DNAJC3: variants seen among roughly 807,000 people sequenced by gnomAD.
DNAJC3 encodes DnaJ heat shock protein family (Hsp40) member C3.
In DNAJC3, 38 loss-of-function variants were observed where a neutral mutation model predicts 68.6. That is an observed-to-expected ratio of 0.55 (90% confidence interval 0.43 to 0.73). DNAJC3 has a LOEUF of 0.73. DNAJC3 is among the 30% of genes least tolerant of loss of function. The pLI is 0.00. For synonymous variants in DNAJC3, 203 were observed against 204.0 expected, an observed-to-expected ratio of 1.00 and a Z score of 0.04; for missense variants, 526 against 591.9, an observed-to-expected ratio of 0.89 and a Z score of 1.16.
chr13:95,711,206 A>T (rs1446877387), intron 2 of DNAJC3, among the ~76,000 whole-genome samples: 1 of 151,598 alleles, frequency 6.6e-6, no homozygotes, highest in Non-Finnish European at 1.5e-5. Context: ...TGATGAAAAA[A>T]CTCTATTCAA....
chr13:95,759,906 T>G (rs1362652051), intron 5 of DNAJC3, 134 bp from the exon 6 acceptor site: 46 of 810,430 alleles, frequency 5.7e-5, no homozygotes, highest in Non-Finnish European at 8.8e-6. Flanking sequence ...AAAATAATAT[T>G]TGCACTATAT....
intron 1 of DNAJC3, among the ~76,000 whole-genome samples, chr13:95,690,479 C>T (rs1360388352): frequency 1.3e-5 from 2 of 151,918 alleles, no homozygotes; most frequent in Admixed American, 1.3e-4. Context: ...TCATCATGGC[C>T]CGTTCTCAAT....
intron 9 of DNAJC3, 38 bp downstream of exon 9, chr13:95,763,991 T>C: frequency 6.3e-7 from 1 of 1,598,518 alleles, no homozygotes; most frequent in East Asian, 2.2e-5. Flanking sequence ...TACCGAAGTG[T>C]TGATTAGGAA....
chr13:95,757,763 T>A lies in DNAJC3; in HGVS notation c.513T>A (p.Thr171=), dbSNP rs753339200. Residue 171 remains threonine (T), a synonymous_variant, in exon 5 of 12, where the codon ACT becomes ACA. Coordinates refer to ENST00000602402, the MANE Select transcript of DNAJC3 (RefSeq NM_006260.5). ...ACGCTTTTGGAAGTGGAGATTATAC[T>A]GCTGCTATAGCCTTCCTTGATAAGA... The part of the protein sequence containing the change: ...ALNAFGSGDY[T]AAIAFLDKIL... 40 of 1,563,688 alleles carry A rather than the reference T, an allele frequency of 2.6e-5. No homozygotes were observed. In the South Asian group the frequency reaches 3.9e-4, roughly 15 times the overall value.
intron 4 of DNAJC3, among the ~76,000 whole-genome samples, chr13:95,727,075 C>T (rs1881551232): frequency 6.6e-6 from 1 of 152,130 alleles, no homozygotes; most frequent in Non-Finnish European, 1.5e-5. Flanking sequence ...GTAATCTTTC[C>T]CTAGCCCAGG....
At chr13:95,690,641 G>T (rs1405346139) in intron 1 of DNAJC3, among the ~76,000 whole-genome samples, 1 of 143,338 alleles carries the variant, frequency 7.0e-6, no homozygotes, top group African/African-American at 2.7e-5. Flanking sequence ...CCTCCCGGAC[G>T]GGGCGGCTGG....
chr13:95,681,942 A>G lies in DNAJC3; in HGVS notation c.82+4605A>G, dbSNP rs1225072122. Among the ~76,000 whole-genome samples the G allele has an allele frequency of 2.6e-5, 4 of 152,206 alleles. No homozygotes were observed. In the East Asian group the frequency reaches 7.7e-4, roughly 29 times the overall value. On this transcript the variant is annotated intron_variant, in intron 1 of 11. Transcript: ENST00000602402. ...TACCTATTCTGCTACTTTTTCTCAT[A>G]TTGAAATACATTAAATGTCTCTATT...
At chr13:95,782,894 T>G (rs999346305) in intron 9 of DNAJC3, among the ~76,000 whole-genome samples, 2 of 152,230 alleles carry the variant, frequency 1.3e-5, no homozygotes, top group Non-Finnish European at 2.9e-5. Context: ...TGCCCATGCC[T>G]GTGTCCTGAA....
At chr13:95,721,974 A>G (rs1023625629) in intron 2 of DNAJC3, among the ~76,000 whole-genome samples, 2 of 152,186 alleles carry the variant, frequency 1.3e-5, no homozygotes, top group Admixed American at 1.3e-4. Flanking sequence ...AGGGAGTTTA[A>G]TTGTATATCT....
At chr13:95,716,904 T>C (rs1275224933) in intron 2 of DNAJC3, among the ~76,000 whole-genome samples, 1 of 152,190 alleles carries the variant, frequency 6.6e-6, no homozygotes, top group Non-Finnish European at 1.5e-5. Context: ...GGAGTGCCTG[T>C]TCTCACTTAG....
Position 95,760,121 on chromosome 13 carries a change from G to A in DNAJC3, c.628G>A (p.Asp210Asn). 6.2e-7 allele frequency: 1 copy of A among 1,612,970 alleles called. No homozygotes were observed. Among genetic ancestry groups the A allele is most frequent in the Non-Finnish European group, 8.5e-7 (1 of 1,179,398 alleles). The stretch of plus-strand genomic sequence containing the variant: ...AGGAGAACCTAGGAAAGCTATAAGT[G>A]ACTTAAAAGCTGCGTCAAAGTTGAA... ...KEGEPRKAIS[D>N]LKAASKLKND... The change falls in exon 6 of 12, where the codon GAC becomes AAC. Residue 210 changes from aspartate (D) to asparagine (N), a missense_variant. By Grantham distance (23) the Asp-to-Asn change is conservative. Transcript: ENST00000602402.
chr13:95,715,411 T>C (rs1191258258), intron 2 of DNAJC3, among the ~76,000 whole-genome samples: 1 of 151,862 alleles, frequency 6.6e-6, no homozygotes, highest in Admixed American at 6.6e-5. Flanking sequence ...CAAAATAAAG[T>C]GTCATTTTGT....
intron 1 of DNAJC3, among the ~76,000 whole-genome samples, chr13:95,685,136 C>T (rs893595901): frequency 6.6e-5 from 10 of 152,370 alleles, no homozygotes; most frequent in African/African-American, 2.2e-4. Context: ...CCTGGAAAAG[C>T]TGCAGCCACT....
At chr13:95,733,264 G>A (rs561948658) in intron 4 of DNAJC3, among the ~76,000 whole-genome samples, 1 of 152,226 alleles carries the variant, frequency 6.6e-6, no homozygotes, top group East Asian at 1.9e-4. Flanking sequence ...CTTGGAGATT[G>A]TCTTTCCTTT....
chr13:95,760,164 C>G lies in DNAJC3; in HGVS notation c.671C>G (p.Ala224Gly), dbSNP rs146893537. The stretch of plus-strand genomic sequence containing the variant: ...AAGTTGAAGAATGATAATACTGAAG[C>G]GTTTTATAAAATAAGCACACTGTAC... Reference protein sequence around the residue: ...ASKLKNDNTEAFYKISTLYYQ... With the variant: ...ASKLKNDNTEGFYKISTLYYQ... Residue 224 changes from alanine (A) to glycine (G), a missense_variant, in exon 6 of 12, where the codon GCG becomes GGG. Transcript: ENST00000602402. 7.9e-5 allele frequency: 127 copies of G among 1,611,670 alleles called. No homozygotes were observed. The African/African-American group carries it at 1.2e-3, about 16-fold the overall frequency.
intron 9 of DNAJC3, among the ~76,000 whole-genome samples, chr13:95,766,331 G>A (rs1882991737): frequency 6.6e-6 from 1 of 152,186 alleles, no homozygotes; most frequent in South Asian, 2.1e-4. Flanking sequence ...ACTGTTATTT[G>A]AGGATGCCTC....
At chr13:95,768,162 T>C (rs1186383309) in intron 9 of DNAJC3, among the ~76,000 whole-genome samples, 1 of 151,936 alleles carries the variant, frequency 6.6e-6, no homozygotes, top group Non-Finnish European at 1.5e-5. Flanking sequence ...GTATGCCATT[T>C]ATTTTTTGCT....
chr13:95,702,141 A>G (rs1880601676), intron 1 of DNAJC3, among the ~76,000 whole-genome samples: 1 of 152,224 alleles, frequency 6.6e-6, no homozygotes, highest in South Asian at 2.1e-4. Flanking sequence ...TGAAACGTCC[A>G]TATTTTAAGT....
chr13:95,742,712 A>G (rs765275832), intron 4 of DNAJC3: 1 of 518,820 alleles, frequency 1.9e-6, no homozygotes, highest in African/African-American at 1.9e-5. Context: ...GTTCTTCCTT[A>G]TGAAGAAGGT....
Sources: gnomAD v4.1 joint callset for allele counts (sites outside exome capture counted in the v4.1 genomes callset) on GRCh38, gnomAD v4.1.1 for gene constraint, MANE v1.5 for transcripts, NCBI Gene and HGNC (gene_info 2026-07-23, HGNC 2026-07-21) for gene names.